Variants in CPEB3 observed in about 807,000 individuals in gnomAD.
The protein encoded by CPEB3 is cytoplasmic polyadenylation element binding protein 3, also known as cytoplasmic polyadenylation element-binding protein 3.
CPEB3 carries 20 observed loss-of-function variants against 67.2 expected under a neutral mutation model. That is an observed-to-expected ratio of 0.30 (90% CI 0.21 to 0.43). CPEB3 has a LOEUF of 0.43. Ranked by LOEUF, CPEB3 falls within the 20% of genes least tolerant of loss-of-function variation. The pLI is 1.00. For synonymous variants in CPEB3, 376 were observed against 393.1 expected, an observed-to-expected ratio of 0.96 and a Z score of 0.51; for missense variants, 746 against 968.6, an observed-to-expected ratio of 0.77 and a Z score of 3.05.
chr10:92,288,200 C>T lies in CPEB3; in HGVS notation c.-12+2726G>A, dbSNP rs1354756475. On this transcript the variant is annotated intron_variant, in intron 1 of 9. Transcript: ENST00000265997. ...GTAGGCCAGGTGCTGTGGCTCATGC[C>T]TGTAATCCTAGCATTTTGGGAGGCC... Among the ~76,000 whole-genome samples the T allele has an allele frequency of 3.9e-5, 6 of 152,126 alleles. No homozygotes were observed. In the South Asian group the frequency reaches 1.0e-3, roughly 26 times the overall value.
At chr10:92,136,252 G>A (rs1421884797) in intron 6 of CPEB3, among the ~76,000 whole-genome samples, 1 of 151,954 alleles carries the variant, frequency 6.6e-6, no homozygotes, top group Non-Finnish European at 1.5e-5. Flanking sequence ...AAACACTGGG[G>A]AAAATCTCCA....
intron 2 of CPEB3, among the ~76,000 whole-genome samples, chr10:92,232,229 T>G (rs2134573894): frequency 7.4e-6 from 1 of 135,946 alleles, no homozygotes; most frequent in African/African-American, 2.8e-5. Context: ...ATATTTGTAG[T>G]TTTTTAGTAG....
intron 5 of CPEB3, 49 bp from the exon 6 acceptor site, chr10:92,143,167 TCAGAAAAC>T (rs751391004): frequency 7.1e-7 from 1 of 1,414,232 alleles, no homozygotes; most frequent in Admixed American, 1.8e-5. Context: ...AATATTGCAA[TCAGAAAAC>T]CAGAAGAGCA....
chr10:92,208,067 C>T (rs868054688), intron 2 of CPEB3, among the ~76,000 whole-genome samples: 1 of 152,124 alleles, frequency 6.6e-6, no homozygotes. Flanking sequence ...AAAAGAACAC[C>T]TTGGTGAGGT....
At chr10:92,256,224 G>C (rs1852505634) in intron 1 of CPEB3, among the ~76,000 whole-genome samples, 1 of 151,642 alleles carries the variant, frequency 6.6e-6, no homozygotes, top group Non-Finnish European at 1.5e-5. Context: ...TACTGTACCT[G>C]AACTACAGCA....
chr10:92,199,332 G>A (rs1283538509), intron 2 of CPEB3, among the ~76,000 whole-genome samples: 14 of 149,800 alleles, frequency 9.3e-5, no homozygotes, highest in Admixed American at 2.7e-4. Context: ...TGGAGGTTGC[G>A]GTGAGCCGAG....
intron 4 of CPEB3, among the ~76,000 whole-genome samples, chr10:92,145,649 A>G (rs1026639325): frequency 6.6e-6 from 1 of 152,232 alleles, no homozygotes; most frequent in African/African-American, 2.4e-5. Context: ...AAAAAAAAAA[A>G]AAGCATCAAA....
At chr10:92,289,732 A>AT (rs1554944314) in intron 1 of CPEB3, among the ~76,000 whole-genome samples, 1,494 of 75,646 alleles carry the variant, frequency 0.02, 37 homozygotes, top group Non-Finnish European at 0.03. Flanking sequence ...AAAAAAAAAA[A>AT]ATATATATAT....
At chr10:92,188,463 T>A (rs1848805616) in intron 3 of CPEB3, among the ~76,000 whole-genome samples, 2 of 151,920 alleles carry the variant, frequency 1.3e-5, no homozygotes, top group African/African-American at 4.8e-5. Flanking sequence ...GGCTCATGCC[T>A]GTAATCCCAG....
At chr10:92,160,197 G>A (rs1006893977) in intron 4 of CPEB3, among the ~76,000 whole-genome samples, 1 of 151,954 alleles carries the variant, frequency 6.6e-6, no homozygotes, top group Non-Finnish European at 1.5e-5. Context: ...TCCCCACCTC[G>A]GCCTCCCAAA....
intron 3 of CPEB3, among the ~76,000 whole-genome samples, chr10:92,189,024 T>C (rs1470975508): frequency 1.3e-5 from 2 of 152,214 alleles, no homozygotes; most frequent in Non-Finnish European, 2.9e-5. Context: ...CCCATGCTAA[T>C]CCTTTTTTCC....
In CPEB3 at chr10:92,051,451, G is replaced by A. The variant is rs2134239602; in HGVS notation, c.*761C>T. On this transcript the variant is annotated 3_prime_UTR_variant, in exon 10 of 10. Coordinates refer to ENST00000265997, the MANE Select transcript of CPEB3 (RefSeq NM_014912.5). ...TAAAATCACAAAAGTGTGTTGTTGGGTTTTTGTGTTTAATTGATATCCTAG... is the reference window on the plus strand; with the variant it reads ...TAAAATCACAAAAGTGTGTTGTTGGATTTTTGTGTTTAATTGATATCCTAG... The A allele has an allele frequency of 6.6e-6, 1 of 152,526 alleles. No homozygotes were observed. Among genetic ancestry groups the A allele is most frequent in the East Asian group, 1.9e-4 (1 of 5,200 alleles). The allele number at this position is 152,526 out of a possible 1,614,324, so 9.4% of individuals were successfully genotyped here. A position where few individuals can be genotyped will look rare whatever the true frequency, so the allele number is the denominator to read the frequency against.
At chr10:92,062,499 G>A (rs147571539) in intron 9 of CPEB3, among the ~76,000 whole-genome samples, 2 of 152,208 alleles carry the variant, frequency 1.3e-5, no homozygotes, top group African/African-American at 2.4e-5. Flanking sequence ...TGGAGTGCCT[G>A]TTCCTTGTCA....
chr10:92,291,223 C>T (rs1220702420), upstream of CPEB3: 4 of 533,836 alleles, frequency 7.5e-6, no homozygotes, highest in Admixed American at 3.9e-5. Context: ...GTCCATGGAC[C>T]GGAACCTCGG....
intron 4 of CPEB3, among the ~76,000 whole-genome samples, chr10:92,147,745 C>A: frequency 6.6e-6 from 1 of 152,042 alleles, no homozygotes; most frequent in Non-Finnish European, 1.5e-5. Flanking sequence ...AGTATTTTCA[C>A]AGGAGGGCAA....
chr10:92,252,447 C>T (rs1037531805), intron 1 of CPEB3, among the ~76,000 whole-genome samples: 2 of 152,096 alleles, frequency 1.3e-5, no homozygotes, highest in African/African-American at 2.4e-5. Context: ...TCTAGCTATA[C>T]ACCCAATAGA....
intron 7 of CPEB3, among the ~76,000 whole-genome samples, chr10:92,095,645 AT>A (rs1264935733): frequency 6.8e-6 from 1 of 147,044 alleles, no homozygotes; most frequent in African/African-American, 2.5e-5. Flanking sequence ...TATATATATA[AT>A]ATATATACTT....
At chr10:92,115,440 C>T (rs1333031942) in intron 6 of CPEB3, among the ~76,000 whole-genome samples, 1 of 152,268 alleles carries the variant, frequency 6.6e-6, no homozygotes. Context: ...GCGTAAGCCA[C>T]TGCACCTGGC....
At chr10:92,095,598 A>ATT (rs1386938379) in intron 7 of CPEB3, among the ~76,000 whole-genome samples, 162 of 85,260 alleles carry the variant, frequency 1.9e-3, no homozygotes, top group East Asian at 8.8e-3. Flanking sequence ...ATATATATAT[A>ATT]TATTTTTTTT....
Sources: allele counts gnomAD v4.1 joint callset (sites outside exome capture counted in the v4.1 genomes callset), GRCh38; gene constraint gnomAD v4.1.1; transcripts MANE v1.5; gene names NCBI Gene and HGNC (gene_info 2026-07-23, HGNC 2026-07-21).